Variants in SYNDIG1 observed in about 807,000 individuals in gnomAD.
SYNDIG1 encodes synapse differentiation inducing 1.
In SYNDIG1, 9 loss-of-function variants were observed where a neutral mutation model predicts 19.4. That is an observed-to-expected ratio of 0.46 (90% confidence interval 0.28 to 0.81). The LOEUF (loss-of-function observed/expected upper bound fraction) is 0.81. Among genes scored for constraint, SYNDIG1 ranks in the 30% least tolerant of loss-of-function variants. The pLI is 0.12. For missense variants in SYNDIG1, 311 were observed against 343.3 expected, an observed-to-expected ratio of 0.91 and a Z score of 0.74; for synonymous variants, 141 against 145.9, an observed-to-expected ratio of 0.97 and a Z score of 0.24.
intron 1 of SYNDIG1, among the ~76,000 whole-genome samples, chr20:24,502,888 G>A (rs776320481): frequency 1.3e-5 from 2 of 152,214 alleles, no homozygotes; most frequent in Admixed American, 6.5e-5. Context: ...AAAGCAGAGC[G>A]CTGACGTGGG....
chr20:24,585,015 G>C, intron 3 of SYNDIG1, 22 bp downstream of exon 3: 1 of 1,604,430 alleles, frequency 6.2e-7, no homozygotes. Context: ...TTGGTCTGTC[G>C]CACGTGGTGT....
At chr20:24,648,158 G>T (rs2059438435) in intron 3 of SYNDIG1, among the ~76,000 whole-genome samples, 1 of 152,200 alleles carries the variant, frequency 6.6e-6, no homozygotes, top group Non-Finnish European at 1.5e-5. Context: ...ATATGAAGTT[G>T]GGGGGTGGGG....
Position 24,515,788 on chromosome 20 carries a change from C to T in SYNDIG1, c.-78-27232C>T, listed in dbSNP as rs902276881. On this transcript the variant is annotated intron_variant, in intron 1 of 3. Coordinates refer to ENST00000376862, the MANE Select transcript of SYNDIG1 (RefSeq NM_024893.3). The stretch of plus-strand genomic sequence containing the variant: ...CCAAGGTAATTTATAGATTCAATGC[C>T]ATCCCCATCAAGCTAACAATGACTT... Among the ~76,000 whole-genome samples, 13 of 152,162 alleles carry T rather than the reference C, an allele frequency of 8.5e-5. 1 individual carries two copies. The highest frequency in any genetic ancestry group is 8.5e-4 in the Admixed American group (13 of 15,274).
intron 2 of SYNDIG1, among the ~76,000 whole-genome samples, chr20:24,583,420 T>C (rs2058362622): frequency 1.3e-5 from 2 of 152,184 alleles, no homozygotes; most frequent in South Asian, 2.1e-4. Flanking sequence ...CTTAACAACC[T>C]TGGGCAGCTG....
In SYNDIG1 at chr20:24,583,845, C is replaced by T. The variant is rs1318268233; in HGVS notation, c.481-1011C>T. Among the ~76,000 whole-genome samples, 7 of 152,078 alleles carry T rather than the reference C, an allele frequency of 4.6e-5. No individual in the cohort carries two copies. In the East Asian group the frequency reaches 5.8e-4, roughly 13 times the overall value. On this transcript the variant is annotated intron_variant, in intron 2 of 3. Coordinates refer to ENST00000376862, the MANE Select transcript of SYNDIG1 (RefSeq NM_024893.3). ...GAGCTGAATGATGAGGACCCATGGA[C>T]GCAAAGAGAAGAACAGACACTGGGG...
At chr20:24,620,563 C>T (rs1450301677) in intron 3 of SYNDIG1, among the ~76,000 whole-genome samples, 2 of 152,240 alleles carry the variant, frequency 1.3e-5, no homozygotes, top group Non-Finnish European at 2.9e-5. Context: ...AGGTGGAGCA[C>T]AAGATCTGGT....
intron 3 of SYNDIG1, among the ~76,000 whole-genome samples, chr20:24,590,141 G>A (rs2058483303): frequency 6.6e-6 from 1 of 152,212 alleles, no homozygotes; most frequent in Non-Finnish European, 1.5e-5. Context: ...TGGCCGTGGC[G>A]GGGCTCGCGG....
chr20:24,480,429 C>T (rs1473255073), intron 1 of SYNDIG1, among the ~76,000 whole-genome samples: 1 of 152,172 alleles, frequency 6.6e-6, no homozygotes, highest in African/African-American at 2.4e-5. Flanking sequence ...TAATTGACCT[C>T]AAATCCATTA....
intron 3 of SYNDIG1, among the ~76,000 whole-genome samples, chr20:24,660,531 C>G (rs2059573270): frequency 6.6e-6 from 1 of 152,216 alleles, no homozygotes; most frequent in Non-Finnish European, 1.5e-5. Flanking sequence ...CTCCTCCTCC[C>G]CACTCGTCAG....
chr20:24,524,806 G>T (rs1465474472), intron 1 of SYNDIG1, among the ~76,000 whole-genome samples: 10 of 152,092 alleles, frequency 6.6e-5, no homozygotes, highest in Admixed American at 6.6e-4. Context: ...CAGGCTCCCT[G>T]GCTCTCTCTT....
intron 2 of SYNDIG1, 53 bp from the exon 3 acceptor site, chr20:24,584,803 G>C (rs1486756695): frequency 5.0e-6 from 8 of 1,612,562 alleles, no homozygotes; most frequent in Non-Finnish European, 6.8e-6. Flanking sequence ...ACCCCAGGAT[G>C]ACTCCTTTAT....
At chr20:24,655,234 T>G (rs375030268) in intron 3 of SYNDIG1, among the ~76,000 whole-genome samples, 1 of 152,050 alleles carries the variant, frequency 6.6e-6, no homozygotes. Flanking sequence ...CCTGAAAAAA[T>G]GTATTGAGAG....
intron 1 of SYNDIG1, among the ~76,000 whole-genome samples, chr20:24,510,996 T>C (rs1442867357): frequency 2.0e-5 from 3 of 152,232 alleles, no homozygotes; most frequent in Admixed American, 2.0e-4. Flanking sequence ...AATTCAGTAG[T>C]TATTTTTATT....
chr20:24,559,831 A>G (rs1486995029), intron 2 of SYNDIG1, among the ~76,000 whole-genome samples: 1 of 152,046 alleles, frequency 6.6e-6, no homozygotes, highest in Non-Finnish European at 1.5e-5. Context: ...TAAATAAGAC[A>G]TCAGTTGTCC....
chr20:24,519,742 T>G (rs551672982), intron 1 of SYNDIG1, among the ~76,000 whole-genome samples: 1 of 152,098 alleles, frequency 6.6e-6, no homozygotes, highest in Non-Finnish European at 1.5e-5. Flanking sequence ...CCTCAGTGCA[T>G]AGTGGATTTT....
At chr20:24,606,406 A>C (rs770301776) in intron 3 of SYNDIG1, among the ~76,000 whole-genome samples, 1 of 152,196 alleles carries the variant, frequency 6.6e-6, no homozygotes, top group Non-Finnish European at 1.5e-5. Flanking sequence ...ATTCTAATAG[A>C]TATCTAGCAG....
At chr20:24,575,179 T>A (rs1241039754) in intron 2 of SYNDIG1, among the ~76,000 whole-genome samples, 2 of 152,206 alleles carry the variant, frequency 1.3e-5, no homozygotes, top group African/African-American at 2.4e-5. Flanking sequence ...GCTGAACGTT[T>A]TTGAAAGGGA....
At chr20:24,480,984 A>G (rs2055779910) in intron 1 of SYNDIG1, among the ~76,000 whole-genome samples, 1 of 152,150 alleles carries the variant, frequency 6.6e-6, no homozygotes, top group Admixed American at 6.6e-5. Context: ...AGGAGATGGG[A>G]GTTATTGTTT....
chr20:24,557,355 C>T (rs1009344529), intron 2 of SYNDIG1, among the ~76,000 whole-genome samples: 9 of 152,206 alleles, frequency 5.9e-5, no homozygotes, highest in South Asian at 2.1e-4. Context: ...TGAGGAACTG[C>T]GTTCCTTTGG....
Sources: gnomAD v4.1 joint callset for allele counts (sites outside exome capture counted in the v4.1 genomes callset) on GRCh38, gnomAD v4.1.1 for gene constraint, MANE v1.5 for transcripts, NCBI Gene and HGNC (gene_info 2026-07-23, HGNC 2026-07-21) for gene names.